Variants in SATL1 observed in about 807,000 individuals in gnomAD.
SATL1 encodes the protein spermidine/spermine N1-acetyl transferase like 1.
A neutral mutation model predicts 51.8 loss-of-function variants in SATL1; 47 were observed. The ratio of observed to expected loss-of-function variants is 0.91; its 90% CI spans 0.72 to 1.16. The LOEUF is 1.16. Ranked by LOEUF, SATL1 falls within the 50% of genes most tolerant of loss-of-function variation. The pLI, the probability that SATL1 is intolerant of heterozygous loss-of-function variation, is 0.00. For missense variants in SATL1, 520 were observed against 526.4 expected (o/e 0.99, Z 0.12); for synonymous variants, 176 against 182.4 (o/e 0.97, Z 0.28).
intron 2 of SATL1, among the ~76,000 whole-genome samples, chrX:85,222,581 T>C (rs1480251333): frequency 9.0e-6 from 1 of 111,695 alleles, no homozygotes; most frequent in African/African-American, 3.3e-5. Flanking sequence ...TCTACTCTGA[T>C]GTATGCCACC....
chrX:85,168,933 C>A (rs1008049999), intron 2 of SATL1, among the ~76,000 whole-genome samples: 9 of 111,145 alleles, frequency 8.1e-5, no homozygotes, highest in Non-Finnish European at 1.7e-4. Context: ...ACTTATAGAC[C>A]AATAGAACAG....
intron 2 of SATL1, among the ~76,000 whole-genome samples, chrX:85,195,818 TAA>T (rs1927546553): frequency 9.1e-6 from 1 of 109,698 alleles, no homozygotes; most frequent in African/African-American, 3.3e-5. Flanking sequence ...ATAATAATAA[TAA>T]TATTAGTAAT....
chrX:85,233,911 C>A (rs1034572872), intron 1 of SATL1, among the ~76,000 whole-genome samples: 1 of 111,133 alleles, frequency 9.0e-6, no homozygotes, highest in Non-Finnish European at 1.9e-5. Flanking sequence ...TGTCCCAAAC[C>A]TAGAGAAAGA....
chrX:85,225,534 G>A (rs777283054), intron 1 of SATL1, among the ~76,000 whole-genome samples: 1 of 112,114 alleles, frequency 8.9e-6, no homozygotes, highest in East Asian at 2.8e-4. Flanking sequence ...CCTTAAATAT[G>A]CAAAGGCAGA....
chrX:85,134,096 C>A (rs1925885531), intron 2 of SATL1, among the ~76,000 whole-genome samples: 1 of 111,113 alleles, frequency 9.0e-6, no homozygotes, highest in Non-Finnish European at 1.9e-5. Context: ...TATGTGAACT[C>A]CTAATTAATG....
At chrX:85,119,519 C>T (rs1038499991) in intron 2 of SATL1, among the ~76,000 whole-genome samples, 1 of 111,485 alleles carries the variant, frequency 9.0e-6, no homozygotes, top group Non-Finnish European at 1.9e-5. Context: ...AATTGTTTCC[C>T]ATTTTGTGGC....
chrX:85,161,752 A>G (rs1182142910), intron 2 of SATL1, among the ~76,000 whole-genome samples: 1 of 111,683 alleles, frequency 9.0e-6, no homozygotes, highest in Non-Finnish European at 1.9e-5. Flanking sequence ...AGAATTAGAC[A>G]GACAATTGAG....
chrX:85,183,089 ATTTG>A (rs1927241613), intron 2 of SATL1, among the ~76,000 whole-genome samples: 3 of 111,015 alleles, frequency 2.7e-5, no homozygotes, highest in South Asian at 7.6e-4. Flanking sequence ...GTTTGATCCC[ATTTG>A]TTTATTTTTG....
intron 2 of SATL1, among the ~76,000 whole-genome samples, chrX:85,196,418 G>C (rs1927561958): frequency 9.0e-6 from 1 of 111,602 alleles, no homozygotes; most frequent in African/African-American, 3.3e-5. Context: ...CAATATGCAA[G>C]CCCTATGAAA....
At chrX:85,120,473 A>C (rs1379412754) in intron 2 of SATL1, among the ~76,000 whole-genome samples, 2 of 111,535 alleles carry the variant, frequency 1.8e-5, no homozygotes, top group Non-Finnish European at 3.8e-5. Context: ...AGTTTGATGA[A>C]ATTGAGAAAT....
At position 85,108,411 on chromosome X, in the gene SATL1, T is replaced by C; in HGVS notation, c.558A>G (p.Pro186=). The change falls in exon 3 of 8, where the codon CCA becomes CCG. Residue 186 remains proline (P), a synonymous_variant. Coordinates refer to ENST00000644105, the MANE Select transcript of SATL1 (RefSeq NM_001367857.2). ...GCCACATGCCTGGTGGACTCATGTT[T>C]GGTTGCCTCAGGACTGGTTGGCTCA... ...TGLSQPVLRQ[P]NMSPPGMWQP... 1 of 1,211,942 alleles carries C rather than the reference T, an allele frequency of 8.3e-7. No individual in the cohort carries two copies. The highest frequency in any genetic ancestry group is 1.1e-6 in the Non-Finnish European group (1 of 895,567).
At chrX:85,154,908 C>T (rs551546679) in intron 2 of SATL1, among the ~76,000 whole-genome samples, 3 of 111,422 alleles carry the variant, frequency 2.7e-5, no homozygotes, top group African/African-American at 9.7e-5. Context: ...TTATAATTCC[C>T]CAGTGACAAG....
intron 2 of SATL1, among the ~76,000 whole-genome samples, chrX:85,153,151 TAG>T (rs1294140619): frequency 9.0e-6 from 1 of 110,679 alleles, no homozygotes; most frequent in African/African-American, 3.3e-5. Context: ...CTATAAAATA[TAG>T]GAGGAAAATC....
chrX:85,196,739 G>A (rs1287728121), intron 2 of SATL1, among the ~76,000 whole-genome samples: 1 of 110,942 alleles, frequency 9.0e-6, no homozygotes, highest in Non-Finnish European at 1.9e-5. Context: ...AAATCCAATG[G>A]GAACAAGATT....
At chrX:85,241,481 T>G (rs954537953) in intron 1 of SATL1, among the ~76,000 whole-genome samples, 1 of 112,244 alleles carries the variant, frequency 8.9e-6, no homozygotes, top group Non-Finnish European at 1.9e-5. Flanking sequence ...TTTGGGCTTA[T>G]GATGCCTATA....
intron 2 of SATL1, among the ~76,000 whole-genome samples, chrX:85,204,879 T>C (rs770912401): frequency 1.2e-4 from 14 of 112,423 alleles, no homozygotes; most frequent in Non-Finnish European, 2.3e-4. Context: ...TTTTAGAACA[T>C]TTTCTTCTAC....
intron 1 of SATL1, among the ~76,000 whole-genome samples, chrX:85,224,671 A>G (rs2147762626): frequency 9.2e-6 from 1 of 108,827 alleles, no homozygotes; most frequent in Non-Finnish European, 1.9e-5. Flanking sequence ...AGAGGATTTC[A>G]GGAAAGTTTT....
intron 7 of SATL1, chrX:85,092,928 C>T (rs1924572860): frequency 3.0e-6 from 1 of 329,249 alleles, no homozygotes. Flanking sequence ...TAATCTCCCT[C>T]CTTCTTACTT....
chrX:85,225,939 A>G (rs778613896), intron 1 of SATL1, among the ~76,000 whole-genome samples: 19 of 110,075 alleles, frequency 1.7e-4, no homozygotes, highest in Non-Finnish European at 3.4e-4. Context: ...CATTCCTTGC[A>G]GGACCCTCAT....
Sources: gnomAD v4.1 joint callset for allele counts (sites outside exome capture counted in the v4.1 genomes callset) on GRCh38, gnomAD v4.1.1 for gene constraint, MANE v1.5 for transcripts, NCBI Gene and HGNC (gene_info 2026-07-23, HGNC 2026-07-21) for gene names.